The following SATB2 variants were observed in gnomAD, a reference collection of about 807,000 sequenced individuals.
SATB2 encodes the protein DNA-binding protein SATB2.
SATB2 carries 1 observed loss-of-function variant against 73.4 expected under a neutral mutation model. That is an observed-to-expected ratio of 0.01 (90% CI 0.00 to 0.06). The LOEUF (loss-of-function observed/expected upper bound fraction) is 0.06. Ranked by LOEUF, SATB2 falls within the 10% of genes least tolerant of loss-of-function variation. The pLI is 1.00. For synonymous variants in SATB2, 397 were observed against 367.0 expected, an observed-to-expected ratio of 1.08 and a Z score of -0.93; for missense variants, 459 against 945.8, an observed-to-expected ratio of 0.49 and a Z score of 6.75.
At chr2:199,384,069 A>G (rs1278936926) in intron 3 of SATB2, among the ~76,000 whole-genome samples, 2 of 152,192 alleles carry the variant, frequency 1.3e-5, no homozygotes, top group East Asian at 3.9e-4. Context: ...GGAGGGAGAG[A>G]AATCTCTACA....
intron 5 of SATB2, among the ~76,000 whole-genome samples, chr2:199,377,220 CA>C (rs111811107): frequency 1.6e-3 from 237 of 148,088 alleles, no homozygotes; most frequent in African/African-American, 5.7e-3. Flanking sequence ...ACTAAAAATA[CA>C]AAAAAAAAAT....
chr2:199,362,009 T>C (rs904977172), intron 6 of SATB2, among the ~76,000 whole-genome samples: 2 of 151,812 alleles, frequency 1.3e-5, no homozygotes, highest in African/African-American at 4.8e-5. Flanking sequence ...AGTGCTAGGA[T>C]TACAGGCGTG....
chr2:199,321,790 A>T (rs1687899985), intron 9 of SATB2, among the ~76,000 whole-genome samples: 1 of 152,100 alleles, frequency 6.6e-6, no homozygotes, highest in Non-Finnish European at 1.5e-5. Flanking sequence ...AAAACATAAT[A>T]AACATAGTGC....
chr2:199,286,649 C>T (rs762408909), intron 10 of SATB2, among the ~76,000 whole-genome samples: 4 of 152,100 alleles, frequency 2.6e-5, no homozygotes, highest in Non-Finnish European at 2.9e-5. Flanking sequence ...CTCCCTGTTC[C>T]GACACTCCTC....
chr2:199,284,456 T>C (rs1204550630), intron 10 of SATB2, among the ~76,000 whole-genome samples: 2 of 152,194 alleles, frequency 1.3e-5, no homozygotes, highest in Non-Finnish European at 2.9e-5. Flanking sequence ...AATATCACAA[T>C]TATCTGAAAT....
At chr2:199,367,536 G>T (rs1689322496) in intron 6 of SATB2, among the ~76,000 whole-genome samples, 1 of 152,102 alleles carries the variant, frequency 6.6e-6, no homozygotes, top group South Asian at 2.1e-4. Flanking sequence ...GCACTACTTT[G>T]ACATCCTGTC....
intron 3 of SATB2, among the ~76,000 whole-genome samples, chr2:199,418,734 A>C (rs1691074297): frequency 6.6e-6 from 1 of 152,230 alleles, no homozygotes; most frequent in African/African-American, 2.4e-5. Context: ...AAAGCATTAC[A>C]TAAAGCATCT....
rs533594267 is a variant in SATB2 at position 199,272,608 on chromosome 2, G to A, written c.1805C>T (p.Pro602Leu). 1 of 1,614,104 alleles carries A rather than the reference G, an allele frequency of 6.2e-7. No individual in the cohort carries two copies. Among genetic ancestry groups the A allele is most frequent in the African/African-American group, 1.3e-5 (1 of 75,028 alleles). ...ESSPPREEAP[P>L]PPPPTEDSCA... ...ACTGTCTTCAGTCGGAGGAGGTGGGGGAGGCGCTTCTTCTCTGGGAGGGGA... is the reference window on the plus strand; with the variant it reads ...ACTGTCTTCAGTCGGAGGAGGTGGGAGAGGCGCTTCTTCTCTGGGAGGGGA... Residue 602 changes from proline to leucine, a missense_variant, in exon 11 of 11, where the codon CCC (proline) becomes CTC (leucine). Pro to Leu is a moderately conservative substitution (Grantham distance 98, BLOSUM62 -3). Transcript: ENST00000417098. This position sits in a 1 kb window ranked among gnomAD's most constrained non-coding sequence, Gnocchi z 6.7.
At chr2:199,394,363 T>C (rs926370127) in intron 3 of SATB2, among the ~76,000 whole-genome samples, 6 of 152,180 alleles carry the variant, frequency 3.9e-5, no homozygotes, top group African/African-American at 9.7e-5. Flanking sequence ...ATCACTGATA[T>C]ATGAAGACCC....
chr2:199,462,782 G>A (rs1224519030), upstream of SATB2, among the ~76,000 whole-genome samples: 1 of 152,168 alleles, frequency 6.6e-6, no homozygotes, highest in Non-Finnish European at 1.5e-5. This position sits in a 1 kb window ranked among gnomAD's most constrained non-coding sequence, Gnocchi z 5.9. Flanking sequence ...ACGCCTCAGA[G>A]GGACGACTGA....
At chr2:199,421,103 A>G (rs1691153507) in intron 3 of SATB2, among the ~76,000 whole-genome samples, 2 of 152,164 alleles carry the variant, frequency 1.3e-5, no homozygotes, top group African/African-American at 4.8e-5. Context: ...GACTCCAGAA[A>G]TACACTCAGA....
At chr2:199,316,888 G>T in intron 9 of SATB2, among the ~76,000 whole-genome samples, 1 of 151,966 alleles carries the variant, frequency 6.6e-6, no homozygotes, top group Middle Eastern at 3.2e-3. Context: ...TCACTTCAAC[G>T]GCAGAAAGAT....
intron 1 of SATB2, among the ~76,000 whole-genome samples, chr2:199,456,626 G>A (rs968890504): frequency 4.6e-5 from 7 of 152,112 alleles, no homozygotes; most frequent in African/African-American, 1.4e-4. Context: ...TTACCTATAC[G>A]GAGCAAGTCC....
chr2:199,310,798 A>T (rs1687573968), intron 9 of SATB2, among the ~76,000 whole-genome samples: 1 of 152,242 alleles, frequency 6.6e-6, no homozygotes, highest in Non-Finnish European at 1.5e-5. Flanking sequence ...CCAGACCTTA[A>T]GGAAGACAGC....
chr2:199,458,730 G>A (rs928051508), upstream of SATB2: 3 of 427,358 alleles, frequency 7.0e-6, no homozygotes, highest in South Asian at 1.6e-5. Context: ...CGACTTTGGA[G>A]ATAGGAGGGC....
chr2:199,458,330 G>A (rs1692358538), upstream of SATB2: 2 of 250,698 alleles, frequency 8.0e-6, no homozygotes, highest in Non-Finnish European at 1.6e-5. Flanking sequence ...GGAGGCAGAG[G>A]GACAGGCGAG....
At chr2:199,465,090 GTC>G (rs146326080) in exon 1 of SATB2, 46 of 149,932 alleles carry the variant, frequency 3.1e-4, no homozygotes, top group African/African-American at 4.9e-4. Flanking sequence ...GACTTTCTCA[GTC>G]TCTCTCTCTC....
chr2:199,319,574 A>C (rs1207627035), intron 9 of SATB2, among the ~76,000 whole-genome samples: 1 of 152,194 alleles, frequency 6.6e-6, no homozygotes, highest in East Asian at 1.9e-4. Context: ...GCCCTTCGGA[A>C]GTTTTTGTTC....
intron 5 of SATB2, among the ~76,000 whole-genome samples, chr2:199,370,946 CAAAAAAAA>C (rs67348909): frequency 1.6e-4 from 11 of 69,550 alleles, no homozygotes; most frequent in African/African-American, 3.6e-4. Flanking sequence ...ATGAACTGAG[CAAAAAAAA>C]AAAAAAAAAA....
Sources: allele counts gnomAD v4.1 joint callset (sites outside exome capture counted in the v4.1 genomes callset), GRCh38; gene constraint gnomAD v4.1.1; non-coding constraint Gnocchi (gnomAD v3.1); transcripts MANE v1.5; gene names NCBI Gene and HGNC (gene_info 2026-07-23, HGNC 2026-07-21).